COG5: variants seen among roughly 807,000 people sequenced by gnomAD.
COG5 encodes the protein conserved oligomeric Golgi complex subunit 5.
Under a neutral mutation model 110.4 loss-of-function variants are expected in COG5, and 86 were observed. That is an observed-to-expected ratio of 0.78 (90% CI 0.65 to 0.93). The LOEUF is 0.93. Ranked by LOEUF, COG5 falls within the 40% of genes least tolerant of loss-of-function variation. The pLI is 0.00. For missense variants in COG5, 1,077 were observed against 987.0 expected (o/e 1.09, Z -1.22); for synonymous variants, 360 against 334.6 (o/e 1.08, Z -0.83).
chr7:107,216,364 A>G (rs1799532740), intron 19 of COG5, among the ~76,000 whole-genome samples: 1 of 152,236 alleles, frequency 6.6e-6, no homozygotes, highest in Admixed American at 6.5e-5. Flanking sequence ...GTTAATAAGG[A>G]AACAATGAAC....
At chr7:107,450,506 TTG>T (rs1052765720) in intron 6 of COG5, 1 of 152,226 alleles carries the variant, frequency 6.6e-6, no homozygotes, top group Admixed American at 6.5e-5. Flanking sequence ...AAGAAAATCA[TTG>T]AAGAGAAAGG....
intron 6 of COG5, among the ~76,000 whole-genome samples, chr7:107,503,634 C>G (rs113607944): frequency 0.018 from 2,755 of 152,288 alleles, 84 homozygotes; most frequent in African/African-American, 0.061. Flanking sequence ...AATCTATGAA[C>G]ACAAGATGTG....
At chr7:107,482,805 C>T (rs1797429199) in intron 6 of COG5, among the ~76,000 whole-genome samples, 1 of 152,130 alleles carries the variant, frequency 6.6e-6, no homozygotes, top group East Asian at 1.9e-4. Flanking sequence ...TCACCATAAA[C>T]TGTTATGTAC....
At chr7:107,298,686 C>T (rs1806977593) in intron 11 of COG5, among the ~76,000 whole-genome samples, 1 of 152,172 alleles carries the variant, frequency 6.6e-6, no homozygotes, top group African/African-American at 2.4e-5. Flanking sequence ...ACCCAATTGA[C>T]TTAATAATTT....
At chr7:107,481,611 T>C (rs991636736) in intron 6 of COG5, among the ~76,000 whole-genome samples, 2 of 152,136 alleles carry the variant, frequency 1.3e-5, no homozygotes, top group Non-Finnish European at 1.5e-5. Context: ...ATCAAAGATA[T>C]ATATTTCATC....
chr7:107,412,400 ATATTAC>A (rs1792366546), intron 7 of COG5, 96 bp downstream of exon 7: 2 of 1,069,928 alleles, frequency 1.9e-6, no homozygotes, highest in South Asian at 1.4e-5. Context: ...TCTCAGTGAT[ATATTAC>A]TATAAGACAT....
intron 19 of COG5, among the ~76,000 whole-genome samples, chr7:107,212,107 A>G (rs1471135482): frequency 6.6e-6 from 1 of 152,218 alleles, no homozygotes; most frequent in African/African-American, 2.4e-5. Flanking sequence ...TCCCTATACT[A>G]ATGATAAGGT....
chr7:107,335,901 A>G (rs1258116526), intron 10 of COG5, among the ~76,000 whole-genome samples: 1 of 152,200 alleles, frequency 6.6e-6, no homozygotes, highest in Non-Finnish European at 1.5e-5. Context: ...AAAGGGGTCA[A>G]TTTGGCAAAA....
At chr7:107,276,420 C>T (rs921052165) in intron 14 of COG5, among the ~76,000 whole-genome samples, 1 of 152,076 alleles carries the variant, frequency 6.6e-6, no homozygotes, top group African/African-American at 2.4e-5. Context: ...CCTGTAATCC[C>T]AGTACTTCAG....
At chr7:107,483,619 G>A (rs184544798) in intron 6 of COG5, among the ~76,000 whole-genome samples, 1 of 151,834 alleles carries the variant, frequency 6.6e-6, no homozygotes, top group Admixed American at 6.6e-5. Flanking sequence ...CAGGAGAATC[G>A]CTTGAACCTG....
chr7:107,406,638 T>TA (rs1463787434), intron 7 of COG5, among the ~76,000 whole-genome samples: 1 of 152,024 alleles, frequency 6.6e-6, no homozygotes, highest in African/African-American at 2.4e-5. Flanking sequence ...AGAATTAAAT[T>TA]AAAAAACAAA....
At chr7:107,430,440 A>G (rs1204103079) in intron 6 of COG5, among the ~76,000 whole-genome samples, 2 of 152,202 alleles carry the variant, frequency 1.3e-5, no homozygotes, top group Non-Finnish European at 2.9e-5. Flanking sequence ...TATTTCACTG[A>G]TCTACATATC....
chr7:107,547,903 T>A, intron 5 of COG5: 1 of 580,224 alleles, frequency 1.7e-6, no homozygotes, highest in East Asian at 2.9e-5. Flanking sequence ...AATAAACAAT[T>A]ATACACTGCA....
At chr7:107,541,523 A>AAAAAAAAAAATATAT (rs60423657) in intron 5 of COG5, among the ~76,000 whole-genome samples, 6 of 57,016 alleles carry the variant, frequency 1.1e-4, no homozygotes, top group Admixed American at 2.4e-4. Context: ...AAAAAAAAAA[A>AAAAAAAAAAATATAT]ATATATATAT....
At chr7:107,397,626 G>C (rs1791111193) in intron 7 of COG5, among the ~76,000 whole-genome samples, 2 of 152,136 alleles carry the variant, frequency 1.3e-5, no homozygotes, top group African/African-American at 4.8e-5. Context: ...ACTCTATAAA[G>C]TGGTAATGAC....
intron 5 of COG5, among the ~76,000 whole-genome samples, chr7:107,541,199 T>C (rs1747916001): frequency 6.8e-6 from 1 of 147,368 alleles, no homozygotes. Flanking sequence ...AGAAGGTAAA[T>C]GAAAACATGA....
At chr7:107,535,967 T>A (rs1801554968) in intron 5 of COG5, among the ~76,000 whole-genome samples, 1 of 152,132 alleles carries the variant, frequency 6.6e-6, no homozygotes, top group South Asian at 2.1e-4. Flanking sequence ...CATGATCAAC[T>A]CGGCTTAATC....
At chr7:107,279,550 C>G (rs909448565) in intron 14 of COG5, among the ~76,000 whole-genome samples, 2 of 151,974 alleles carry the variant, frequency 1.3e-5, no homozygotes, top group Non-Finnish European at 2.9e-5. Flanking sequence ...AAGAACAAAA[C>G]AGGTATAATT....
intron 7 of COG5, among the ~76,000 whole-genome samples, chr7:107,399,240 C>T (rs1791247923): frequency 6.6e-6 from 1 of 152,068 alleles, no homozygotes; most frequent in Non-Finnish European, 1.5e-5. Flanking sequence ...TTTACTAAAA[C>T]TCATCAAACT....
Sources: gnomAD v4.1 joint callset for allele counts (sites outside exome capture counted in the v4.1 genomes callset) on GRCh38, gnomAD v4.1.1 for gene constraint, MANE v1.5 for transcripts, NCBI Gene and HGNC (gene_info 2026-07-23, HGNC 2026-07-21) for gene names.